Variants in VWDE observed in about 807,000 individuals in gnomAD.
VWDE encodes the protein von Willebrand factor D and EGF domain-containing protein.
In VWDE, 207 loss-of-function variants were observed where a neutral mutation model predicts 178.4. The ratio of observed to expected loss-of-function variants is 1.16; its 90% CI spans 1.04 to 1.30. VWDE has a LOEUF of 1.30. Ranked by LOEUF, VWDE falls within the 50% of genes most tolerant of loss-of-function variation. The probability of loss-of-function intolerance (pLI) is 0.00; values close to 1 mark genes in which losing one functional copy is unlikely to be tolerated. For synonymous variants in VWDE, 738 were observed against 651.4 expected, an observed-to-expected ratio of 1.13 and a Z score of -2.02; for missense variants, 2,287 against 1,901.3, an observed-to-expected ratio of 1.20 and a Z score of -3.77.
chr7:12,399,766 A>G (rs847995), intron 1 of VWDE, among the ~76,000 whole-genome samples: 1 of 152,046 alleles, frequency 6.6e-6, no homozygotes, highest in Non-Finnish European at 1.5e-5. Flanking sequence ...AGAATTGCTT[A>G]AGCCCAGGAG....
Position 12,367,410 on chromosome 7 carries a change from C to T in VWDE, c.2845G>A (p.Gly949Ser). Residue 949 changes from glycine (G) to serine (S), a missense_variant, in exon 13 of 29, where the codon GGC (glycine) becomes AGC (serine). Gly to Ser is a moderately conservative substitution (Grantham distance 56). Coordinates refer to ENST00000275358, the MANE Select transcript of VWDE (RefSeq NM_001135924.3). The part of the protein sequence containing the change: ...KYNCMMVRVF[G>S]KGFKELPSIK... Reference sequence around the variant, plus strand: ...GAAGGTAATTCTTTGAAGCCTTTGCCAAAAACTCTCACCATCATACAATTA... The same window carrying T: ...GAAGGTAATTCTTTGAAGCCTTTGCTAAAAACTCTCACCATCATACAATTA... 1 of 1,546,746 alleles carries T rather than the reference C, an allele frequency of 6.5e-7. No individual in the cohort carries two copies.
In VWDE at chr7:12,351,648, C is replaced by G; in HGVS notation, c.3811G>C (p.Val1271Leu). 6.5e-7 allele frequency: 1 copy of G among 1,550,352 alleles called. No homozygotes were observed. Among genetic ancestry groups the G allele is most frequent in the Non-Finnish European group, 8.7e-7 (1 of 1,146,358 alleles). Reference protein sequence around the residue: ...TVVLTRSDKSVNKEEDDKNAQ... With the variant: ...TVVLTRSDKSLNKEEDDKNAQ... Reference sequence around the variant, plus strand: ...TTTTTATCATCCTCTTCTTTATTTACACTTTTATCAGATCTTGTGAGAACC... The same window carrying G: ...TTTTTATCATCCTCTTCTTTATTTAGACTTTTATCAGATCTTGTGAGAACC... The change falls in exon 19 of 29, where the codon GTA (valine) becomes CTA (leucine). Residue 1271 changes from valine to leucine, a missense_variant. Coordinates refer to ENST00000275358, the MANE Select transcript of VWDE (RefSeq NM_001135924.3).
Position 12,359,682 on chromosome 7 carries a change from C to G in VWDE, c.3170G>C (p.Cys1057Ser). The G allele has an allele frequency of 6.5e-7, 1 of 1,536,524 alleles. No individual in the cohort carries two copies. Among genetic ancestry groups the G allele is most frequent in the South Asian group, 1.2e-5 (1 of 80,816 alleles). Residue 1057 changes from cysteine (C) to serine (S), a missense_variant, in exon 16 of 29, where the codon TGC (cysteine) becomes TCC (serine). By Grantham distance (112) the Cys-to-Ser change is moderately radical (BLOSUM62 -1). Coordinates refer to ENST00000275358, the MANE Select transcript of VWDE (RefSeq NM_001135924.3). ...NDSCTIKENV[C>S]IIDGLCYVEG... ...AACATAGCAGAGTCCATCAATAATG[C>G]AAACATTTTCCTAATGGAAAATTTT...
chr7:12,385,071 C>A (rs141064082), intron 3 of VWDE, among the ~76,000 whole-genome samples: 13 of 151,926 alleles, frequency 8.6e-5, no homozygotes, highest in African/African-American at 2.7e-4. Flanking sequence ...AATATATAAA[C>A]TTTTTTAGAA....
chr7:12,377,782 C>A lies in VWDE; in HGVS notation c.1018G>T (p.Gly340Cys). The stretch of plus-strand genomic sequence containing the variant: ...AATAAAGTTAGTATATTACCTTGAC[C>A]AATAGTTTTCAGTTTTAATGAGATT... ...CKISLKLKTI[G>C]QGREHLGLNL... is the part of the protein sequence containing the mutation. The change falls in exon 7 of 29, where the codon GGT becomes TGT. Residue 340 changes from glycine to cysteine, a missense_variant. Gly to Cys is a radical substitution (Grantham distance 159). Coordinates refer to ENST00000275358, the MANE Select transcript of VWDE (RefSeq NM_001135924.3). 2 of 1,482,514 alleles carry A rather than the reference C, an allele frequency of 1.3e-6. No homozygotes were observed. Among genetic ancestry groups the A allele is most frequent in the Admixed American group, 2.3e-5 (1 of 43,320 alleles). The allele number at this position is 1,482,514 out of a possible 1,614,324, so 91.8% of individuals were successfully genotyped here.
rs1783104766 is a variant in VWDE, at chr7:12,370,218, C to T, written c.2088G>A (p.Leu696=). ...TCAGGTTTATGTGTTTTTTTTCTTG[C>T]AGAAATAAATTTAGATTATATTCTT... ...SPEEYNLNLF[L]QEKKHINLTK... is the part of the protein sequence containing the mutation. Residue 696 remains leucine, a synonymous_variant, in exon 12 of 29, where the codon CTG becomes CTA. Transcript: ENST00000275358. 1.9e-6 allele frequency: 3 copies of T among 1,550,656 alleles called. No individual in the cohort carries two copies. Among genetic ancestry groups the T allele is most frequent in the Non-Finnish European group, 2.6e-6 (3 of 1,146,734 alleles).
chr7:12,357,549 T>C, intron 16 of VWDE, 34 bp from the exon 17 acceptor site: 1 of 1,545,864 alleles, frequency 6.5e-7, no homozygotes, highest in African/African-American at 1.4e-5. Flanking sequence ...TTTATACCCG[T>C]GTAGAAAAAG....
chr7:12,346,131 A>C (rs1040103828), intron 19 of VWDE, among the ~76,000 whole-genome samples: 1 of 152,178 alleles, frequency 6.6e-6, no homozygotes, highest in Non-Finnish European at 1.5e-5. Flanking sequence ...TTCTGCCTTC[A>C]AGGAGCTTAT....
chr7:12,360,555 C>T (rs944667017), intron 15 of VWDE, among the ~76,000 whole-genome samples: 1 of 151,974 alleles, frequency 6.6e-6, no homozygotes, highest in Non-Finnish European at 1.5e-5. Context: ...TTTGTATGCA[C>T]CTCAGCTTTG....
chr7:12,344,373 C>T lies in VWDE; in HGVS notation c.3982+1G>A. The T allele has an allele frequency of 6.4e-7, 1 of 1,550,610 alleles. No individual in the cohort carries two copies. On this transcript the variant is annotated splice_donor_variant, in intron 20 of 28. Coordinates refer to ENST00000275358, the MANE Select transcript of VWDE (RefSeq NM_001135924.3). LOFTEE classifies it high-confidence loss of function. ...GCAAACTAATGAATGATGTTACCTA[C>T]CAGTTTGGCAGTTAGAACCAATGTA...
chr7:12,388,239 G>A (rs1215171697), intron 3 of VWDE, among the ~76,000 whole-genome samples: 3 of 152,046 alleles, frequency 2.0e-5, no homozygotes. Flanking sequence ...TTATGCTTTT[G>A]GGGGAAGAGT....
chr7:12,399,618 T>A (rs1784806792), intron 1 of VWDE, among the ~76,000 whole-genome samples: 1 of 151,996 alleles, frequency 6.6e-6, no homozygotes, highest in South Asian at 2.1e-4. Context: ...GAATATAAAT[T>A]TTCCCCAAGT....
intron 3 of VWDE, among the ~76,000 whole-genome samples, chr7:12,387,200 G>A (rs748322445): frequency 2.6e-5 from 4 of 151,964 alleles, no homozygotes; most frequent in Non-Finnish European, 4.4e-5. Context: ...ATCATGTAAA[G>A]TAGACAATAA....
At chr7:12,334,783 T>C (rs886362965) in intron 27 of VWDE, among the ~76,000 whole-genome samples, 3 of 152,210 alleles carry the variant, frequency 2.0e-5, no homozygotes, top group Non-Finnish European at 4.4e-5. Flanking sequence ...CCCATTAATA[T>C]GCTTTTAACA....
chr7:12,338,194 A>G (rs1781140174), intron 24 of VWDE, among the ~76,000 whole-genome samples: 2 of 152,036 alleles, frequency 1.3e-5, no homozygotes, highest in Admixed American at 1.3e-4. Context: ...AATGGAAATA[A>G]TATAGAACTT....
intron 2 of VWDE, among the ~76,000 whole-genome samples, chr7:12,391,970 GTGA>G (rs1784409835): frequency 1.3e-5 from 2 of 152,174 alleles, no homozygotes. Flanking sequence ...AAAATTGTGA[GTGA>G]TGATGAACAC....
intron 12 of VWDE, 52 bp from the exon 13 acceptor site, chr7:12,367,545 A>T: frequency 2.9e-6 from 4 of 1,377,078 alleles, no homozygotes; most frequent in African/African-American, 1.5e-5. Context: ...ATTTCAGAAA[A>T]AAAAACTAAT....
intron 3 of VWDE, 105 bp from the exon 4 acceptor site, chr7:12,383,706 A>C (rs1783965771): frequency 1.1e-6 from 1 of 948,930 alleles, no homozygotes; most frequent in African/African-American, 1.7e-5. Context: ...ATACAGACTA[A>C]GACTTTCTTA....
chr7:12,351,498 T>C, intron 19 of VWDE, 75 bp downstream of exon 19: 1 of 1,419,316 alleles, frequency 7.0e-7, no homozygotes, highest in Non-Finnish European at 9.3e-7. Flanking sequence ...ACCTGAGGAA[T>C]AAATATGTTG....
Sources: gnomAD v4.1 joint callset for allele counts (sites outside exome capture counted in the v4.1 genomes callset) on GRCh38, gnomAD v4.1.1 for gene constraint, MANE v1.5 for transcripts, NCBI Gene and HGNC (gene_info 2026-07-23, HGNC 2026-07-21) for gene names.